SOX7: variants seen among roughly 807,000 people sequenced by gnomAD.
SOX7 encodes SRY-box transcription factor 7.
Under a neutral mutation model 24.9 loss-of-function variants are expected in SOX7, and 19 were observed. That is an observed-to-expected ratio of 0.76 (90% CI 0.53 to 1.12). The LOEUF (loss-of-function observed/expected upper bound fraction) is 1.12. Ranked by LOEUF, SOX7 falls within the 50% of genes most tolerant of loss-of-function variation. SOX7 has a pLI of 0.00. For synonymous variants in SOX7, 327 were observed against 244.5 expected (o/e 1.34, Z -3.15); for missense variants, 702 against 535.0 (o/e 1.31, Z -3.08).
In SOX7 at chr8:10,725,559, G is replaced by A; in HGVS notation, c.*179C>T. ...GCAGGGGCTGGAACGTGGGGAAGGG[G>A]ATAGAGGCGGCACTCGGATAAGGAG... On this transcript the variant is annotated 3_prime_UTR_variant, in exon 2 of 2. Transcript: ENST00000304501. 2 of 628,620 alleles carry A rather than the reference G, an allele frequency of 3.2e-6. No homozygotes were observed. The highest frequency in any genetic ancestry group is 5.5e-6 in the Non-Finnish European group (2 of 361,156). 38.9% of individuals were successfully genotyped at this position (628,620 alleles called of 1,614,324 possible). A position where few individuals can be genotyped will look rare whatever the true frequency, so the allele number is the denominator to read the frequency against.
In SOX7 at chr8:10,725,633, C is replaced by T. The variant is rs894502631; in HGVS notation, c.*105G>A. On this transcript the variant is annotated 3_prime_UTR_variant, in exon 2 of 2. Transcript: ENST00000304501. ...TGGGGCCGCAGTTCAGACCTCCCTG[C>T]CCTGAGCGGTGGGAGGAAAGCTGGT... 6.3e-6 allele frequency: 8 copies of T among 1,264,240 alleles called. No individual in the cohort carries two copies. In the Admixed American group the frequency reaches 1.5e-4, roughly 24 times the overall value. 78.3% of individuals were successfully genotyped at this position (1,264,240 alleles called of 1,614,324 possible).
chr8:10,725,450 G>C lies in SOX7; in HGVS notation c.*288C>G, dbSNP rs555532167. 1 of 462,964 alleles carries C rather than the reference G, an allele frequency of 2.2e-6. No homozygotes were observed. Among genetic ancestry groups the C allele is most frequent in the Admixed American group, 3.8e-5 (1 of 26,028 alleles). The allele number at this position is 462,964 out of a possible 1,614,324, so 28.7% of individuals were successfully genotyped here. On this transcript the variant is annotated 3_prime_UTR_variant, in exon 2 of 2. Transcript: ENST00000304501. Reference sequence around the variant, plus strand: ...TCGATGATGGCTACCAAGAAAAGACGTCAGTGAACATTCCACTGGGAGACA... The same window carrying C: ...TCGATGATGGCTACCAAGAAAAGACCTCAGTGAACATTCCACTGGGAGACA...
chr8:10,725,685 A>C lies in SOX7; in HGVS notation c.*53T>G, dbSNP rs1800131096. 1 of 1,593,246 alleles carries C rather than the reference A, an allele frequency of 6.3e-7. No individual in the cohort carries two copies. Among genetic ancestry groups the C allele is most frequent in the Non-Finnish European group, 8.6e-7 (1 of 1,163,826 alleles). On this transcript the variant is annotated 3_prime_UTR_variant, in exon 2 of 2. Coordinates refer to ENST00000304501, the MANE Select transcript of SOX7 (RefSeq NM_031439.4). ...TGGCTGGACGGCTCCTCTGCCACTC[A>C]AGGCACAAGAAGGAGAGGGCGCGAG...
At chr8:10,727,689 G>C (rs1167476471) in intron 1 of SOX7, among the ~76,000 whole-genome samples, 1 of 152,204 alleles carries the variant, frequency 6.6e-6, no homozygotes, top group Non-Finnish European at 1.5e-5. Flanking sequence ...GTGGTTTCTA[G>C]GGGTGGGGGG....
chr8:10,726,143 GC>G lies in SOX7; in HGVS notation c.761del (p.Ser254ThrfsTer17). 6.3e-7 allele frequency: 1 copy of G among 1,590,498 alleles called. No homozygotes were observed. The highest frequency in any genetic ancestry group is 1.2e-5 in the South Asian group (1 of 86,044). ...PEYAPSPLHC[S>X]HPLGSLALGQ... ...CAAGGGCCAGGGAGCCCAGGGGGTG[GC>G]TACAGTGGAGAGGGCTTGGGGCGTA... On this transcript the variant is annotated frameshift_variant, in exon 2 of 2. Transcript: ENST00000304501. LOFTEE classifies it high-confidence loss of function.
intron 1 of SOX7, among the ~76,000 whole-genome samples, chr8:10,728,817 C>T (rs576082651): frequency 3.3e-5 from 5 of 152,196 alleles, no homozygotes; most frequent in South Asian, 2.1e-4. Context: ...ACAGTGCCCA[C>T]GGTCCGTGGA....
In SOX7 at chr8:10,725,769, G is replaced by A. The variant is rs143587868; in HGVS notation, c.1136C>T (p.Ala379Val). The change falls in exon 2 of 2, where the codon GCC becomes GTC. Residue 379 changes from alanine to valine, a missense_variant. Coordinates refer to ENST00000304501, the MANE Select transcript of SOX7 (RefSeq NM_031439.4). ...SLISVLADAT[A>V]TYYNSYSVS Reference sequence around the variant, plus strand: ...CACACTGTAGCTGTTGTAGTACGTGGCCGTGGCATCAGCCAGGACGGAGAT... The same window carrying A: ...CACACTGTAGCTGTTGTAGTACGTGACCGTGGCATCAGCCAGGACGGAGAT... The A allele has an allele frequency of 3.9e-4, 626 of 1,614,188 alleles. 2 individuals carry two copies. In the African/African-American group the frequency reaches 7.1e-3, roughly 18 times the overall value.
chr8:10,729,885 G>C (rs1025314653), intron 1 of SOX7, among the ~76,000 whole-genome samples: 2 of 152,022 alleles, frequency 1.3e-5, no homozygotes, highest in Admixed American at 1.3e-4. Context: ...CTGTCGCCAG[G>C]CGTCCTGGCC....
chr8:10,725,670 G>A lies in SOX7; in HGVS notation c.*68C>T. ...GGAGGAAAGCTGGTGTGGCTGGACG[G>A]CTCCTCTGCCACTCAAGGCACAAGA... On this transcript the variant is annotated 3_prime_UTR_variant, in exon 2 of 2. Coordinates refer to ENST00000304501, the MANE Select transcript of SOX7 (RefSeq NM_031439.4). The A allele has an allele frequency of 6.5e-7, 1 of 1,543,894 alleles. No homozygotes were observed. Among genetic ancestry groups the A allele is most frequent in the Non-Finnish European group, 8.9e-7 (1 of 1,123,982 alleles).
Position 10,725,680 on chromosome 8 carries a change from C to A in SOX7, c.*58G>T. 1 of 1,586,764 alleles carries A rather than the reference C, an allele frequency of 6.3e-7. No individual in the cohort carries two copies. Among genetic ancestry groups the A allele is most frequent in the Middle Eastern group, 1.7e-4 (1 of 5,836 alleles). ...TGGTGTGGCTGGACGGCTCCTCTGC[C>A]ACTCAAGGCACAAGAAGGAGAGGGC... is the stretch of plus-strand genomic sequence containing the variant. On this transcript the variant is annotated 3_prime_UTR_variant, in exon 2 of 2. Transcript: ENST00000304501.
At position 10,726,644 on chromosome 8, in the gene SOX7, C is replaced by G. The variant is rs143936405; in HGVS notation, c.261G>C (p.Thr87=). Reference sequence around the variant, plus strand: ...CCACGTACGGCCTCTTCTGGGACAGCGTCAGCGCCTTCCACGACTTTCCTG... The same window carrying G: ...CCACGTACGGCCTCTTCTGGGACAGGGTCAGCGCCTTCCACGACTTTCCTG... ...KMLGKSWKAL[T]LSQKRPYVDE... The change falls in exon 2 of 2, where the codon ACG becomes ACC. Residue 87 remains threonine, a synonymous_variant. Coordinates refer to ENST00000304501, the MANE Select transcript of SOX7 (RefSeq NM_031439.4). 2 of 1,582,344 alleles carry G rather than the reference C, an allele frequency of 1.3e-6. No homozygotes were observed. Among genetic ancestry groups the G allele is most frequent in the Non-Finnish European group, 8.6e-7 (1 of 1,168,164 alleles).
rs1246556796 is a variant in SOX7, at chr8:10,724,238, G to C, written c.*1500C>G. On this transcript the variant is annotated 3_prime_UTR_variant, in exon 2 of 2. Transcript: ENST00000304501. ...TTTGGGGGCAGGGGTCCAGGGCTCA[G>C]AAACATTTTTGGAATCACAGTGAGT... 2 of 152,204 alleles carry C rather than the reference G, an allele frequency of 1.3e-5. No homozygotes were observed. The highest frequency in any genetic ancestry group is 6.5e-5 in the Admixed American group (1 of 15,276). 9.4% of individuals were successfully genotyped at this position (152,204 alleles called of 1,614,324 possible).
At position 10,724,122 on chromosome 8, in the gene SOX7, A is replaced by G. The variant is rs1800097283; in HGVS notation, c.*1616T>C. On this transcript the variant is annotated 3_prime_UTR_variant, in exon 2 of 2. Transcript: ENST00000304501. ...ATAAAACATATTTCATACAGGAAAT[A>G]ATATGCTAAAATCAAAAAACCAACA... The G allele has an allele frequency of 6.6e-6, 1 of 152,264 alleles. No homozygotes were observed. Among genetic ancestry groups the G allele is most frequent in the Non-Finnish European group, 1.5e-5 (1 of 68,054 alleles). 9.4% of individuals were successfully genotyped at this position (152,264 alleles called of 1,614,324 possible). A position where few individuals can be genotyped will look rare whatever the true frequency, so the allele number is the denominator to read the frequency against.
At position 10,726,109 on chromosome 8, in the gene SOX7, G is replaced by A. The variant is rs1398526232; in HGVS notation, c.796C>T (p.Pro266Ser). ...ACAGGGGACATCATGGAGACGCCGG[G>A]GGACTGGCCAAGGGCCAGGGAGCCC... ...PLGSLALGQS[P>S]GVSMMSPVPG... The change falls in exon 2 of 2, where the codon CCC becomes TCC. Residue 266 changes from proline to serine, a missense_variant. By Grantham distance (74) the Pro-to-Ser change is moderately conservative (BLOSUM62 -1). Coordinates refer to ENST00000304501, the MANE Select transcript of SOX7 (RefSeq NM_031439.4). 6 of 1,569,670 alleles carry A rather than the reference G, an allele frequency of 3.8e-6. No individual in the cohort carries two copies. The highest frequency in any genetic ancestry group is 2.4e-5 in the South Asian group (2 of 82,024).
At chr8:10,728,662 C>T (rs1800202157) in intron 1 of SOX7, among the ~76,000 whole-genome samples, 1 of 152,190 alleles carries the variant, frequency 6.6e-6, no homozygotes, top group South Asian at 2.1e-4. Context: ...CTGTCCCTGC[C>T]CCTTTCCTGG....
rs1038217636 is a variant in SOX7 at position 10,730,134 on chromosome 8, T to TGCCGCCA, written c.238+55_238+61dup. Reference sequence around the variant, plus strand: ...CTCCGCGCTCGCACCCGCCCTGCAGTGCCGCCAGCCGCCCGCCGCCCGCCC... The same window carrying TGCCGCCA: ...CTCCGCGCTCGCACCCGCCCTGCAGTGCCGCCAGCCGCCAGCCGCCCGCCGCCCGCCC... On this transcript the variant is annotated intron_variant, in intron 1 of 1. Transcript: ENST00000304501. This position sits in a 1 kb window ranked among gnomAD's most constrained non-coding sequence, Gnocchi z 4.8. 51 of 1,272,622 alleles carry TGCCGCCA rather than the reference T, an allele frequency of 4.0e-5. No individual in the cohort carries two copies. The Admixed American group carries it at 1.6e-3, about 41-fold the overall frequency. 78.8% of individuals were successfully genotyped at this position (1,272,622 alleles called of 1,614,324 possible).
At position 10,725,685 on chromosome 8, in the gene SOX7, A is replaced by G. The variant is rs1800131096; in HGVS notation, c.*53T>C. 6.3e-7 allele frequency: 1 copy of G among 1,593,246 alleles called. No homozygotes were observed. Among genetic ancestry groups the G allele is most frequent in the Non-Finnish European group, 8.6e-7 (1 of 1,163,826 alleles). ...TGGCTGGACGGCTCCTCTGCCACTCAAGGCACAAGAAGGAGAGGGCGCGAG... is the reference window on the plus strand; with the variant it reads ...TGGCTGGACGGCTCCTCTGCCACTCGAGGCACAAGAAGGAGAGGGCGCGAG... On this transcript the variant is annotated 3_prime_UTR_variant, in exon 2 of 2. Coordinates refer to ENST00000304501, the MANE Select transcript of SOX7 (RefSeq NM_031439.4).
At chr8:10,726,776 TC>T (rs1800165098) in intron 1 of SOX7, 110 bp from the exon 2 acceptor site, 1 of 1,021,704 alleles carries the variant, frequency 9.8e-7, no homozygotes, top group African/African-American at 1.6e-5. Flanking sequence ...CCCTTCCCCC[TC>T]CCAGCCACAG....
Position 10,730,379 on chromosome 8 carries a change from G to C in SOX7, c.55C>G (p.Leu19Val), listed in dbSNP as rs1407201503. 6.5e-7 allele frequency: 1 copy of C among 1,543,110 alleles called. No individual in the cohort carries two copies. The highest frequency in any genetic ancestry group is 8.7e-7 in the Non-Finnish European group (1 of 1,150,014). The change falls in exon 1 of 2, where the codon CTG (leucine) becomes GTG (valine). Residue 19 changes from leucine (L) to valine (V), a missense_variant. Physicochemically the swap from Leu to Val is conservative, Grantham distance 32. Coordinates refer to ENST00000304501, the MANE Select transcript of SOX7 (RefSeq NM_031439.4). The surrounding 1 kb of genome is among the most constrained non-coding windows in gnomAD (Gnocchi z 4.8). ...TGTCCATCCGACAGCTCGGCGTCCA[G>C]GGCCGGGCACTCGAGACCCTCGGGC... ...PWPEGLECPA[L>V]DAELSDGQSP...
Sources: allele counts gnomAD v4.1 joint callset (sites outside exome capture counted in the v4.1 genomes callset), GRCh38; gene constraint gnomAD v4.1.1; non-coding constraint Gnocchi (gnomAD v3.1); transcripts MANE v1.5; gene names NCBI Gene and HGNC (gene_info 2026-07-23, HGNC 2026-07-21).